PDE10A: variants seen among roughly 807,000 people sequenced by gnomAD.
PDE10A encodes the protein cAMP and cAMP-inhibited cGMP 3',5'-cyclic phosphodiesterase 10A.
In PDE10A, 39 loss-of-function variants were observed where a neutral mutation model predicts 97.7. The observed-to-expected ratio is 0.40, with a 90% CI of 0.31 to 0.52. The LOEUF (loss-of-function observed/expected upper bound fraction) is 0.52. Ranked by LOEUF, PDE10A falls within the 20% of genes least tolerant of loss-of-function variation. The pLI is 0.56. For missense variants in PDE10A, 731 were observed against 1,047.8 expected (o/e 0.70, Z 4.17); for synonymous variants, 371 against 376.8 (o/e 0.98, Z 0.18).
intron 1 of PDE10A, among the ~76,000 whole-genome samples, chr6:165,749,288 C>CACCACCACCATTATT (rs1418890893): frequency 3.1e-5 from 2 of 63,658 alleles, no homozygotes; most frequent in African/African-American, 6.0e-5. Context: ...TTACCATCAT[C>CACCACCACCATTATT]ACCATCACCA....
chr6:165,900,560 G>C (rs982348333), intron 1 of PDE10A, among the ~76,000 whole-genome samples: 1 of 151,668 alleles, frequency 6.6e-6, no homozygotes, highest in Admixed American at 6.6e-5. Context: ...GTCCCTCTCT[G>C]TCTCTCTCTT....
chr6:165,985,966 G>A (rs894858547), intron 1 of PDE10A: 2 of 152,630 alleles, frequency 1.3e-5, no homozygotes, highest in Non-Finnish European at 2.9e-5. Flanking sequence ...CATCTGTGGG[G>A]GAAAAGTCTA....
In PDE10A at chr6:165,328,460, G is replaced by A. The variant is rs1446811510; in HGVS notation, c.*4565C>T. 6.6e-6 allele frequency: 1 copy of A among 152,232 alleles called. No individual in the cohort carries two copies. Among genetic ancestry groups the A allele is most frequent in the Non-Finnish European group, 1.5e-5 (1 of 68,052 alleles). 9.4% of individuals were successfully genotyped at this position (152,232 alleles called of 1,614,324 possible). A position where few individuals can be genotyped will look rare whatever the true frequency, so the allele number is the denominator to read the frequency against. ...GTAAACTGACTTCCCTACTTAGTAA[G>A]CCCTGGATTCAGCTGTAAGTTTCCA... On this transcript the variant is annotated 3_prime_UTR_variant, in exon 22 of 22. Transcript: ENST00000539869.
At position 165,418,871 on chromosome 6, in the gene PDE10A, T is replaced by C. The variant is rs1232443591; in HGVS notation, c.1654-94A>G. On this transcript the variant is annotated intron_variant, in intron 10 of 21. Coordinates refer to ENST00000539869, the MANE Select transcript of PDE10A (RefSeq NM_001385079.1). This position sits in a 1 kb window ranked among gnomAD's most constrained non-coding sequence, Gnocchi z 4.8. ...ATAAAATAAGTATTAATTTCAGCTGTCCTATACTCTAATTGGTTGGTATTA... is the reference window on the plus strand; with the variant it reads ...ATAAAATAAGTATTAATTTCAGCTGCCCTATACTCTAATTGGTTGGTATTA... 63 of 915,742 alleles carry C rather than the reference T, an allele frequency of 6.9e-5. 1 individual carries two copies. In the East Asian group the frequency reaches 1.5e-3, roughly 22 times the overall value. 56.7% of individuals were successfully genotyped at this position (915,742 alleles called of 1,614,324 possible). A position where few individuals can be genotyped will look rare whatever the true frequency, so the allele number is the denominator to read the frequency against.
chr6:165,694,983 A>G (rs773698418), intron 1 of PDE10A, among the ~76,000 whole-genome samples: 2 of 152,254 alleles, frequency 1.3e-5, no homozygotes, highest in Non-Finnish European at 2.9e-5. Context: ...TAAGTCTCTT[A>G]TGTGAAAATG....
chr6:165,343,710 C>T (rs749168447), intron 18 of PDE10A, among the ~76,000 whole-genome samples: 2 of 152,246 alleles, frequency 1.3e-5, no homozygotes, highest in Non-Finnish European at 1.5e-5. Context: ...TCACAAGTCC[C>T]GTGAGGAGTG....
chr6:165,396,611 A>G (rs1355278774), intron 13 of PDE10A, 152 bp from the exon 14 acceptor site: 2 of 637,700 alleles, frequency 3.1e-6, no homozygotes, highest in East Asian at 5.9e-5. Flanking sequence ...ATGCACTGGG[A>G]TGTGCAGACA....
intron 1 of PDE10A, among the ~76,000 whole-genome samples, chr6:165,955,315 T>C (rs1784102928): frequency 6.6e-6 from 1 of 152,216 alleles, no homozygotes; most frequent in African/African-American, 2.4e-5. Flanking sequence ...AATCATTATC[T>C]CTCACTTGGA....
At chr6:165,408,297 AAGT>A (rs1787378902) in intron 13 of PDE10A, among the ~76,000 whole-genome samples, 1 of 152,248 alleles carries the variant, frequency 6.6e-6, no homozygotes, top group Non-Finnish European at 1.5e-5. Context: ...GTTCTCTAGA[AAGT>A]AGAACATTCA....
In PDE10A at chr6:165,922,365, C is replaced by A. The variant is rs767841212; in HGVS notation, c.-615+65164G>T. On this transcript the variant is annotated intron_variant, in intron 1 of 19. Transcript: ENST00000366882. ...CCCATCAAAGCCAGACCTTCCCCTG[C>A]TGTCCGCTCCTCTTACACAAAGTGG... Among the ~76,000 whole-genome samples, 4 of 152,166 alleles carry A rather than the reference C, an allele frequency of 2.6e-5. No individual in the cohort carries two copies. In the South Asian group the frequency reaches 8.3e-4, roughly 32 times the overall value.
At chr6:165,539,090 G>A (rs1217623524) in intron 2 of PDE10A, among the ~76,000 whole-genome samples, 2 of 152,022 alleles carry the variant, frequency 1.3e-5, no homozygotes, top group East Asian at 1.9e-4. Flanking sequence ...TGCTTCCTGA[G>A]GAAGTTTTTA....
intron 1 of PDE10A, among the ~76,000 whole-genome samples, chr6:165,767,894 A>G (rs186608653): frequency 6.7e-4 from 102 of 152,304 alleles, no homozygotes; most frequent in African/African-American, 2.4e-3. Context: ...TCTCACTGCA[A>G]TGCATGAGGG....
In PDE10A at chr6:165,711,250, T is replaced by C. The variant is rs545142785; in HGVS notation, c.-614-167682A>G. Among the ~76,000 whole-genome samples the C allele has an allele frequency of 6.6e-6, 1 of 152,338 alleles. No homozygotes were observed. Among genetic ancestry groups the C allele is most frequent in the South Asian group, 2.1e-4 (1 of 4,824 alleles). ...GCTCTTCTGAAAACCTCATCTTGGA[T>C]GGGTAATTTACAGAGGTAAGTGCCT... On this transcript the variant is annotated intron_variant, in intron 1 of 19. Transcript: ENST00000366882. This position sits in a 1 kb window ranked among gnomAD's most constrained non-coding sequence, Gnocchi z 4.5.
At chr6:165,950,324 A>G (rs1039146362) in intron 1 of PDE10A, among the ~76,000 whole-genome samples, 10 of 152,204 alleles carry the variant, frequency 6.6e-5, no homozygotes, top group African/African-American at 2.2e-4. Flanking sequence ...TTTTTACCCA[A>G]CAAGATTCAC....
chr6:165,927,433 T>C (rs1782971405), intron 1 of PDE10A, among the ~76,000 whole-genome samples: 1 of 151,830 alleles, frequency 6.6e-6, no homozygotes, highest in South Asian at 2.1e-4. Flanking sequence ...CACAATACAG[T>C]AAGATTTTTA....
At chr6:165,688,755 G>T (rs1026821135) in intron 1 of PDE10A, among the ~76,000 whole-genome samples, 9 of 152,170 alleles carry the variant, frequency 5.9e-5, no homozygotes, top group Non-Finnish European at 1.3e-4. Context: ...TATAGGCATT[G>T]TATAAAGAAA....
At chr6:165,519,620 T>G (rs1233441451) in intron 2 of PDE10A, among the ~76,000 whole-genome samples, 1 of 152,204 alleles carries the variant, frequency 6.6e-6, no homozygotes, top group Non-Finnish European at 1.5e-5. Context: ...CCTTGCTTCA[T>G]AGAACACGTG....
intron 1 of PDE10A, among the ~76,000 whole-genome samples, chr6:165,915,541 G>A (rs1340596384): frequency 6.6e-6 from 1 of 152,074 alleles, no homozygotes; most frequent in East Asian, 1.9e-4. Flanking sequence ...CAGGGGAAGG[G>A]GTAGGCTCCT....
At chr6:165,546,782 T>C (rs867475501) in intron 1 of PDE10A, among the ~76,000 whole-genome samples, 4 of 152,214 alleles carry the variant, frequency 2.6e-5, no homozygotes, top group South Asian at 2.1e-4. Context: ...CATGTGGTAA[T>C]GAATTAAAGT....
Sources: allele counts gnomAD v4.1 joint callset (sites outside exome capture counted in the v4.1 genomes callset), GRCh38; gene constraint gnomAD v4.1.1; non-coding constraint Gnocchi (gnomAD v3.1); transcripts MANE v1.5; gene names NCBI Gene and HGNC (gene_info 2026-07-23, HGNC 2026-07-21).